AGBL2: variants seen among roughly 807,000 people sequenced by gnomAD.
The protein encoded by AGBL2 is AGBL carboxypeptidase 2.
Under a neutral mutation model 103.0 loss-of-function variants are expected in AGBL2, and 87 were observed. That is an observed-to-expected ratio of 0.84 (90% CI 0.71 to 1.01). The LOEUF is 1.01. AGBL2 is among the 50% of genes least tolerant of loss of function. AGBL2 has a pLI of 0.00. For missense variants in AGBL2, 904 were observed against 1,023.5 expected (o/e 0.88, Z 1.59); for synonymous variants, 335 against 356.7 (o/e 0.94, Z 0.69).
chr11:47,706,962 G>A (rs893042961), intron 4 of AGBL2, among the ~76,000 whole-genome samples: 7 of 149,454 alleles, frequency 4.7e-5, no homozygotes, highest in African/African-American at 9.9e-5. Context: ...CAAGGCAGGC[G>A]GATCACTTGA....
At chr11:47,666,391 CAAAAAAA>C (rs35531290) in intron 17 of AGBL2, among the ~76,000 whole-genome samples, 2 of 111,418 alleles carry the variant, frequency 1.8e-5, no homozygotes, top group African/African-American at 3.8e-5. Context: ...GACTCCATCT[CAAAAAAA>C]AAAAAAAGAA....
intron 14 of AGBL2, among the ~76,000 whole-genome samples, chr11:47,670,338 T>C (rs1233577583): frequency 4.6e-5 from 7 of 152,126 alleles, no homozygotes; most frequent in Admixed American, 4.6e-4. Context: ...TTTTTAAAAT[T>C]AGCTAGTAAT....
At position 47,687,941 on chromosome 11, in the gene AGBL2, G is replaced by A. The variant is rs1051439998; in HGVS notation, c.1632-1892C>T. ...TAGTGCTTCAGCCTCCTGAGTAGCT[G>A]GGATTACAGGCGTGCACCACCATGC... On this transcript the variant is annotated intron_variant, in intron 10 of 18. Transcript: ENST00000525123. Among the ~76,000 whole-genome samples, 5 of 151,528 alleles carry A rather than the reference G, an allele frequency of 3.3e-5. No individual in the cohort carries two copies. In the East Asian group the frequency reaches 9.7e-4, roughly 29 times the overall value.
At chr11:47,705,768 G>C in intron 5 of AGBL2, 96 bp downstream of exon 5, 1 of 1,084,656 alleles carries the variant, frequency 9.2e-7, no homozygotes. Context: ...TCCCATTCCT[G>C]TCTGGTAATT....
intron 4 of AGBL2, among the ~76,000 whole-genome samples, chr11:47,706,796 C>A (rs530367687): frequency 4.7e-5 from 7 of 150,468 alleles, no homozygotes; most frequent in Non-Finnish European, 7.4e-5. Flanking sequence ...CACCTGTAAT[C>A]CCAGCACTTT....
At chr11:47,688,211 G>C (rs986628303) in intron 10 of AGBL2, among the ~76,000 whole-genome samples, 1 of 151,632 alleles carries the variant, frequency 6.6e-6, no homozygotes, top group African/African-American at 2.4e-5. Flanking sequence ...CTCCTGCCTC[G>C]GCCTCTCAAA....
rs1208393751 is a variant in AGBL2 at position 47,685,961 on chromosome 11, T to G, written c.1720A>C (p.Asn574His). The G allele has an allele frequency of 6.2e-7, 1 of 1,614,056 alleles. No homozygotes were observed. The highest frequency in any genetic ancestry group is 8.5e-7 in the Non-Finnish European group (1 of 1,179,956). Residue 574 changes from asparagine (N) to histidine (H), a missense_variant, in exon 11 of 19, where the codon AAC (asparagine) becomes CAC (histidine). Coordinates refer to ENST00000525123, the MANE Select transcript of AGBL2 (RefSeq NM_024783.4). The stretch of plus-strand genomic sequence containing the variant: ...TCATGAAGCCAGTATTTGCGATTGT[T>G]GTTATTACAGCCATACAGGAAGATA... ...NNIFLYGCNN[N>H]NRKYWLHERV...
intron 18 of AGBL2, among the ~76,000 whole-genome samples, chr11:47,660,835 C>A (rs1039250224): frequency 6.6e-6 from 1 of 152,124 alleles, no homozygotes; most frequent in Non-Finnish European, 1.5e-5. Flanking sequence ...GGATTACAGG[C>A]GTGAGCCACC....
chr11:47,674,274 G>C (rs1241992801), intron 14 of AGBL2, among the ~76,000 whole-genome samples: 7 of 150,850 alleles, frequency 4.6e-5, no homozygotes. Context: ...GAAAAAGGCA[G>C]CATTTGGCTG....
chr11:47,690,533 A>C lies in AGBL2; in HGVS notation c.1174T>G (p.Phe392Val), dbSNP rs866956656. Residue 392 changes from phenylalanine to valine, a missense_variant, in exon 10 of 19, where the codon TTT becomes GTT. Phe to Val is a conservative substitution (Grantham distance 50). Transcript: ENST00000525123. Reference sequence around the variant, plus strand: ...TATGTATATGGGTAGAAGTGTGCAAAGAAGCAAGTGTCCTGGTCATATGGA... The same window carrying C: ...TATGTATATGGGTAGAAGTGTGCAACGAAGCAAGTGTCCTGGTCATATGGA... Reference protein sequence around the residue: ...QFPYDQDTCFFAHFYPYTYTD... With the variant: ...QFPYDQDTCFVAHFYPYTYTD... 6.2e-6 allele frequency: 10 copies of C among 1,614,196 alleles called. No homozygotes were observed. In the African/African-American group the frequency reaches 8.0e-5, roughly 13 times the overall value.
intron 4 of AGBL2, among the ~76,000 whole-genome samples, chr11:47,707,729 C>A (rs1471155160): frequency 6.6e-6 from 1 of 152,132 alleles, no homozygotes; most frequent in African/African-American, 2.4e-5. Context: ...TTCCTCCATA[C>A]CCTAACCTAC....
chr11:47,711,759 T>C (rs2097537001), intron 3 of AGBL2, among the ~76,000 whole-genome samples: 1 of 152,192 alleles, frequency 6.6e-6, no homozygotes, highest in Non-Finnish European at 1.5e-5. Flanking sequence ...GGTCTCGAAC[T>C]CCTGACCTCA....
At chr11:47,680,401 C>T (rs1054679409) in intron 12 of AGBL2, among the ~76,000 whole-genome samples, 1 of 151,812 alleles carries the variant, frequency 6.6e-6, no homozygotes, top group Non-Finnish European at 1.5e-5. Context: ...GTGGAGCTTG[C>T]AATGAGCTGA....
intron 4 of AGBL2, chr11:47,710,168 C>T (rs969586794): frequency 3.0e-5 from 17 of 564,334 alleles, no homozygotes; most frequent in Non-Finnish European, 5.2e-5. Flanking sequence ...AGATTACAGG[C>T]GTGATCACCA....
intron 8 of AGBL2, among the ~76,000 whole-genome samples, chr11:47,695,006 C>T (rs1027312614): frequency 1.3e-4 from 19 of 151,112 alleles, no homozygotes; most frequent in African/African-American, 4.6e-4. Context: ...AAAAATTAGC[C>T]AGGTGTGATG....
Position 47,704,478 on chromosome 11 carries a change from G to A in AGBL2, c.586+65C>T, listed in dbSNP as rs528929374. 2.3e-5 allele frequency: 29 copies of A among 1,261,282 alleles called. No individual in the cohort carries two copies. The East Asian group carries it at 2.6e-4, about 11-fold the overall frequency. 78.1% of individuals were successfully genotyped at this position (1,261,282 alleles called of 1,614,324 possible). On this transcript the variant is annotated intron_variant, in intron 7 of 18. Coordinates refer to ENST00000525123, the MANE Select transcript of AGBL2 (RefSeq NM_024783.4). ...AGCCTGGGAAATAGAGTGAGACTTCGTCTCAAAAAAAAAAAAAAAAAAGTC... is the reference window on the plus strand; with the variant it reads ...AGCCTGGGAAATAGAGTGAGACTTCATCTCAAAAAAAAAAAAAAAAAAGTC...
intron 14 of AGBL2, among the ~76,000 whole-genome samples, chr11:47,669,741 A>G (rs2153802857): frequency 6.6e-6 from 1 of 152,048 alleles, no homozygotes; most frequent in East Asian, 1.9e-4. Flanking sequence ...CGTCTCGAGT[A>G]GCTGGAACTA....
chr11:47,662,571 C>A (rs1305753056), intron 18 of AGBL2, among the ~76,000 whole-genome samples: 3 of 151,566 alleles, frequency 2.0e-5, no homozygotes, highest in African/African-American at 7.3e-5. Flanking sequence ...CAGCTCACTG[C>A]AACCTCTGCC....
rs2097440370 is a variant in AGBL2 at position 47,690,452 on chromosome 11, A to G, written c.1255T>C (p.Phe419Leu). ...SVANNPIQSQ[F>L]CKLQTLCRSL... ...CTGCATAAAGTTTGGAGCTTGCAGA[A>G]CTGAGACTGGATAGGGTTGTTTGCC... The change falls in exon 10 of 19, where the codon TTC (phenylalanine) becomes CTC (leucine). Residue 419 changes from phenylalanine to leucine, a missense_variant. Phe to Leu is a conservative substitution (Grantham distance 22). Coordinates refer to ENST00000525123, the MANE Select transcript of AGBL2 (RefSeq NM_024783.4). 3 of 1,614,028 alleles carry G rather than the reference A, an allele frequency of 1.9e-6. No individual in the cohort carries two copies. The South Asian group carries it at 3.3e-5, about 18-fold the overall frequency.
Sources: allele counts gnomAD v4.1 joint callset (sites outside exome capture counted in the v4.1 genomes callset), GRCh38; gene constraint gnomAD v4.1.1; transcripts MANE v1.5; gene names NCBI Gene and HGNC (gene_info 2026-07-23, HGNC 2026-07-21).